ITPK1: variants seen among roughly 807,000 people sequenced by gnomAD.
ITPK1 encodes the protein inositol 1,3,4-trisphosphate 5/6-kinase.
In ITPK1, 21 loss-of-function variants were observed where a neutral mutation model predicts 45.3. The observed-to-expected ratio is 0.46, with a 90% CI of 0.33 to 0.67. The LOEUF (loss-of-function observed/expected upper bound fraction) is 0.67, where lower values mean the gene tolerates loss of function less well. Among genes scored for constraint, ITPK1 ranks in the 30% least tolerant of loss-of-function variants. ITPK1 has a pLI of 0.02. For missense variants in ITPK1, 474 were observed against 573.5 expected (o/e 0.83, Z 1.77); for synonymous variants, 258 against 253.6 (o/e 1.02, Z -0.16).
Position 92,999,702 on chromosome 14 carries a change from G to A in ITPK1, c.247-5705C>T, listed in dbSNP as rs576613819. ...ACTGGGCCTTCCTCATTGTAAGCCC[G>A]GGCCTCACCTGTAAATGGAGATTGT... is the stretch of plus-strand genomic sequence containing the variant. On this transcript the variant is annotated intron_variant, in intron 4 of 10. Transcript: ENST00000267615. Among the ~76,000 whole-genome samples, 7 of 152,328 alleles carry A rather than the reference G, an allele frequency of 4.6e-5. No homozygotes were observed. In the East Asian group the frequency reaches 9.6e-4, roughly 21 times the overall value.
chr14:93,026,174 G>A (rs761080746), intron 3 of ITPK1, among the ~76,000 whole-genome samples: 5 of 152,244 alleles, frequency 3.3e-5, no homozygotes, highest in South Asian at 2.1e-4. Context: ...ATCAATTTAA[G>A]GAAAACCCAT....
intron 2 of ITPK1, among the ~76,000 whole-genome samples, chr14:93,080,585 G>A (rs550936663): frequency 6.6e-5 from 10 of 152,272 alleles, no homozygotes; most frequent in East Asian, 1.9e-4. Flanking sequence ...GAAACATTCC[G>A]ATACCTGGAA....
At chr14:92,998,337 C>T (rs531765996) in intron 4 of ITPK1, among the ~76,000 whole-genome samples, 1 of 152,310 alleles carries the variant, frequency 6.6e-6, no homozygotes, top group Non-Finnish European at 1.5e-5. Context: ...GCCAGCTGTG[C>T]CCATGGAAGG....
chr14:93,075,533 C>G (rs1160170416), intron 3 of ITPK1, among the ~76,000 whole-genome samples: 1 of 152,086 alleles, frequency 6.6e-6, no homozygotes, highest in Non-Finnish European at 1.5e-5. Flanking sequence ...GGAGGGAGGT[C>G]AGGAGGATCC....
intron 5 of ITPK1, among the ~76,000 whole-genome samples, chr14:92,969,202 CAG>C (rs1885528448): frequency 6.6e-6 from 1 of 152,066 alleles, no homozygotes; most frequent in South Asian, 2.1e-4. Flanking sequence ...ATAAATAAAA[CAG>C]AGGCATCCCT....
intron 2 of ITPK1, among the ~76,000 whole-genome samples, chr14:93,077,476 C>T (rs1263794064): frequency 6.6e-6 from 1 of 152,136 alleles, no homozygotes; most frequent in East Asian, 1.9e-4. Flanking sequence ...CACCACCACG[C>T]CCGGCTAATT....
At position 93,100,204 on chromosome 14, in the gene ITPK1, G is replaced by A. The variant is rs757707624; in HGVS notation, c.95+14865C>T. Among the ~76,000 whole-genome samples the A allele has an allele frequency of 3.9e-5, 6 of 152,222 alleles. No individual in the cohort carries two copies. The East Asian group carries it at 7.7e-4, about 20-fold the overall frequency. On this transcript the variant is annotated intron_variant, in intron 2 of 10. Coordinates refer to ENST00000267615, the MANE Select transcript of ITPK1 (RefSeq NM_014216.6). ...CAGGATGACAAATCAGAGGCCAACA[G>A]AAGGAATCCCTGTCCCTGTGGACCT...
At chr14:93,021,126 T>C (rs1302571058) in intron 3 of ITPK1, among the ~76,000 whole-genome samples, 1 of 152,062 alleles carries the variant, frequency 6.6e-6, no homozygotes, top group African/African-American at 2.4e-5. Context: ...TGAGACAAAA[T>C]GGCCCCAATA....
chr14:93,022,850 C>CA (rs916024579), intron 3 of ITPK1, among the ~76,000 whole-genome samples: 1 of 151,190 alleles, frequency 6.6e-6, no homozygotes, highest in South Asian at 2.1e-4. Context: ...ACAACAAAAA[C>CA]AAAAAAACAA....
chr14:93,016,688 C>T lies in ITPK1; in HGVS notation c.234G>A (p.Val78=). ...DQNDSQSLEL[V]HRFQEYIDAH... ...GGTCCTCACTCACCTGGAACCTGTG[C>T]ACCAGCTCCAGGGACTGGCTATCAT... Residue 78 remains valine, a synonymous_variant, in exon 4 of 11, where the codon GTG becomes GTA. Coordinates refer to ENST00000267615, the MANE Select transcript of ITPK1 (RefSeq NM_014216.6). This position sits in a 1 kb window ranked among gnomAD's most constrained non-coding sequence, Gnocchi z 5.0. 1 of 1,614,094 alleles carries T rather than the reference C, an allele frequency of 6.2e-7. No homozygotes were observed. Among genetic ancestry groups the T allele is most frequent in the Non-Finnish European group, 8.5e-7 (1 of 1,179,992 alleles).
At chr14:93,077,905 C>T (rs993006867) in intron 2 of ITPK1, among the ~76,000 whole-genome samples, 3 of 152,198 alleles carry the variant, frequency 2.0e-5, no homozygotes, top group African/African-American at 4.8e-5. Flanking sequence ...ATACTGTGCA[C>T]ATTGTGCTGG....
intron 8 of ITPK1, among the ~76,000 whole-genome samples, chr14:92,954,185 G>A (rs1255306428): frequency 3.9e-5 from 6 of 152,198 alleles, no homozygotes; most frequent in East Asian, 1.9e-4. Flanking sequence ...ATGAGCCACC[G>A]CACCTGGCCC....
At chr14:92,943,449 C>T (rs1887532210) in intron 10 of ITPK1, among the ~76,000 whole-genome samples, 1 of 152,218 alleles carries the variant, frequency 6.6e-6, no homozygotes, top group Non-Finnish European at 1.5e-5. Flanking sequence ...CCAGGTCCCC[C>T]ACCATAGGAC....
Position 93,031,277 on chromosome 14 carries a change from G to A in ITPK1, c.121-14476C>T, listed in dbSNP as rs142485453. On this transcript the variant is annotated intron_variant, in intron 3 of 10. Coordinates refer to ENST00000267615, the MANE Select transcript of ITPK1 (RefSeq NM_014216.6). ...AGGCCAGCGTGGGTGCAGGGGACGGGGGACAAAGAGGTGGGGGCACGATTG... is the reference window on the plus strand; with the variant it reads ...AGGCCAGCGTGGGTGCAGGGGACGGAGGACAAAGAGGTGGGGGCACGATTG... Among the ~76,000 whole-genome samples, 825 of 152,186 alleles carry A rather than the reference G, an allele frequency of 5.4e-3. 8 individuals carry two copies. Among genetic ancestry groups the A allele is most frequent in the African/African-American group, 0.019 (786 of 41,516 alleles).
At chr14:92,975,774 C>T (rs889430762) in intron 5 of ITPK1, among the ~76,000 whole-genome samples, 2 of 152,218 alleles carry the variant, frequency 1.3e-5, no homozygotes, top group Non-Finnish European at 2.9e-5. Context: ...AGCATCAGCT[C>T]TCCTGGTCCT....
intron 5 of ITPK1, among the ~76,000 whole-genome samples, chr14:92,964,715 C>T (rs1885257531): frequency 6.6e-6 from 1 of 152,210 alleles, no homozygotes; most frequent in Admixed American, 6.5e-5. Flanking sequence ...GTCAAACAGG[C>T]CACCTCCTGG....
At chr14:93,061,092 C>G (rs1028423754) in intron 3 of ITPK1, among the ~76,000 whole-genome samples, 4 of 152,210 alleles carry the variant, frequency 2.6e-5, no homozygotes, top group Non-Finnish European at 5.9e-5. Context: ...CAAAAGACAA[C>G]TTAACATGCA....
intron 7 of ITPK1, among the ~76,000 whole-genome samples, chr14:92,960,666 C>A (rs11850686): frequency 2.0e-5 from 3 of 152,208 alleles, no homozygotes. Context: ...TTAATAACTA[C>A]GCTCGTGCTT....
chr14:93,085,638 A>G (rs1891619806), intron 2 of ITPK1, among the ~76,000 whole-genome samples: 1 of 152,124 alleles, frequency 6.6e-6, no homozygotes, highest in Non-Finnish European at 1.5e-5. Context: ...AATTTTCAGG[A>G]AGGAGGAAGT....
Sources: allele counts gnomAD v4.1 joint callset (sites outside exome capture counted in the v4.1 genomes callset), GRCh38; gene constraint gnomAD v4.1.1; non-coding constraint Gnocchi (gnomAD v3.1); transcripts MANE v1.5; gene names NCBI Gene and HGNC (gene_info 2026-07-23, HGNC 2026-07-21).